EFR3A: variants seen among roughly 807,000 people sequenced by gnomAD.
EFR3A encodes the protein protein EFR3 homolog A.
EFR3A carries 76 observed loss-of-function variants against 104.4 expected under a neutral mutation model. That is an observed-to-expected ratio of 0.73 (90% CI 0.60 to 0.88). EFR3A has a LOEUF of 0.88. Among genes scored for constraint, EFR3A ranks in the 40% least tolerant of loss-of-function variants. The pLI, the probability that EFR3A is intolerant of heterozygous loss-of-function variation, is 0.00. For synonymous variants in EFR3A, 330 were observed against 330.0 expected (o/e 1.00, Z 0.00); for missense variants, 985 against 1,012.5 (o/e 0.97, Z 0.37).
At chr8:131,959,948 G>A (rs889902970) in intron 8 of EFR3A, among the ~76,000 whole-genome samples, 12 of 152,192 alleles carry the variant, frequency 7.9e-5, no homozygotes, top group African/African-American at 2.7e-4. Flanking sequence ...GATTCATTGA[G>A]GGTGTTGTCT....
chr8:131,981,211 T>C (rs1820596624), intron 14 of EFR3A, among the ~76,000 whole-genome samples: 1 of 152,024 alleles, frequency 6.6e-6, no homozygotes, highest in East Asian at 1.9e-4. Flanking sequence ...GTCATGAACA[T>C]TGAGACTGGA....
chr8:131,995,033 A>G (rs1205977512), intron 18 of EFR3A, among the ~76,000 whole-genome samples: 1 of 152,136 alleles, frequency 6.6e-6, no homozygotes, highest in Admixed American at 6.5e-5. Context: ...AAAAATTGGA[A>G]CTATGTTTTT....
At chr8:131,939,521 ATAGCT>A (rs1458343473) in intron 1 of EFR3A, among the ~76,000 whole-genome samples, 1 of 152,214 alleles carries the variant, frequency 6.6e-6, no homozygotes, top group African/African-American at 2.4e-5. Context: ...GTGAAACTTA[ATAGCT>A]TATTAAGAAT....
chr8:131,993,758 C>T (rs769580232), intron 18 of EFR3A, among the ~76,000 whole-genome samples: 2 of 151,604 alleles, frequency 1.3e-5, no homozygotes, highest in Non-Finnish European at 2.9e-5. Flanking sequence ...AAAAATTTAG[C>T]CAGTTGATTC....
rs761499534 is a variant in EFR3A at position 131,946,643 on chromosome 8, A to T, written c.366+10A>T. 1 of 1,569,616 alleles carries T rather than the reference A, an allele frequency of 6.4e-7. No homozygotes were observed. Among genetic ancestry groups the T allele is most frequent in the African/African-American group, 1.4e-5 (1 of 72,924 alleles). ...TCTTGGAACAAATTCTGTGAGTAAAACTATTCTGTTACTAAATGTATGCTT... is the reference window on the plus strand; with the variant it reads ...TCTTGGAACAAATTCTGTGAGTAAATCTATTCTGTTACTAAATGTATGCTT... On this transcript the variant is annotated intron_variant, in intron 4 of 22. Coordinates refer to ENST00000254624, the MANE Select transcript of EFR3A (RefSeq NM_015137.6).
At chr8:131,934,478 T>G (rs1422769023) in intron 1 of EFR3A, among the ~76,000 whole-genome samples, 1 of 152,172 alleles carries the variant, frequency 6.6e-6, no homozygotes, top group Non-Finnish European at 1.5e-5. Flanking sequence ...TTGGAGAGCC[T>G]TTGTCCTAAA....
intron 10 of EFR3A, among the ~76,000 whole-genome samples, chr8:131,972,075 GC>G (rs1820082640): frequency 6.6e-6 from 1 of 152,016 alleles, no homozygotes; most frequent in African/African-American, 2.4e-5. Flanking sequence ...GTAAGCAGGG[GC>G]CCCCTTTTCT....
chr8:131,921,493 A>G (rs756496767), intron 1 of EFR3A, among the ~76,000 whole-genome samples: 54 of 152,210 alleles, frequency 3.5e-4, no homozygotes, highest in Admixed American at 3.5e-3. Flanking sequence ...AAGGGACACA[A>G]TTTAATCCAT....
At chr8:131,912,880 G>C (rs980041385) in intron 1 of EFR3A, among the ~76,000 whole-genome samples, 7 of 151,998 alleles carry the variant, frequency 4.6e-5, no homozygotes, top group African/African-American at 1.7e-4. Context: ...CGCATCAGCT[G>C]TCTGATTGCT....
intron 1 of EFR3A, among the ~76,000 whole-genome samples, chr8:131,920,729 G>A (rs1023106734): frequency 4.0e-5 from 6 of 151,478 alleles, no homozygotes; most frequent in African/African-American, 7.3e-5. Context: ...AGGCAGTATA[G>A]TGTATAGTGT....
Position 131,979,417 on chromosome 8 carries a change from A to G in EFR3A, c.1571A>G (p.Lys524Arg). Reference sequence around the variant, plus strand: ...TGCAGACAAGACACAAGTTTCATGAAAAAGGTAAGACATCTTCTAAAAAAA... The same window carrying G: ...TGCAGACAAGACACAAGTTTCATGAGAAAGGTAAGACATCTTCTAAAAAAA... ...KICRQDTSFM[K>R]KNGQQLYRHI... The change falls in exon 14 of 23, where the codon AAA becomes AGA. Residue 524 changes from lysine to arginine, a missense_variant. Lys to Arg is a conservative substitution (Grantham distance 26, BLOSUM62 2). Coordinates refer to ENST00000254624, the MANE Select transcript of EFR3A (RefSeq NM_015137.6). The G allele has an allele frequency of 6.5e-7, 1 of 1,549,788 alleles. No individual in the cohort carries two copies.
chr8:131,937,276 A>G (rs1188850536), intron 1 of EFR3A, among the ~76,000 whole-genome samples: 1 of 152,156 alleles, frequency 6.6e-6, no homozygotes, highest in Non-Finnish European at 1.5e-5. Flanking sequence ...GGTGGCTTCT[A>G]CACTCCAGGC....
chr8:131,987,894 G>A (rs796560309), intron 18 of EFR3A, among the ~76,000 whole-genome samples, 192 bp downstream of exon 18: 7 of 152,076 alleles, frequency 4.6e-5, no homozygotes, highest in African/African-American at 1.7e-4. Context: ...AATCTCTAAC[G>A]ACATAGATAT....
At chr8:131,993,706 G>GA (rs201311385) in intron 18 of EFR3A, among the ~76,000 whole-genome samples, 1,337 of 119,408 alleles carry the variant, frequency 0.011, 14 homozygotes, top group African/African-American at 0.035. Flanking sequence ...ACCAGCTTGA[G>GA]AAAAAAAAAA....
At chr8:131,928,541 A>G (rs1345310023) in intron 1 of EFR3A, among the ~76,000 whole-genome samples, 2 of 152,160 alleles carry the variant, frequency 1.3e-5, no homozygotes, top group African/African-American at 4.8e-5. Flanking sequence ...CATAAAGGAA[A>G]TTTCTTATTA....
intron 1 of EFR3A, among the ~76,000 whole-genome samples, chr8:131,915,219 A>G (rs983160255): frequency 2.5e-4 from 38 of 152,202 alleles, no homozygotes; most frequent in African/African-American, 9.2e-4. Context: ...ATGCCCTCTG[A>G]CAAGAATTTA....
At chr8:131,958,051 T>A (rs964682580) in intron 7 of EFR3A, among the ~76,000 whole-genome samples, 1 of 151,788 alleles carries the variant, frequency 6.6e-6, no homozygotes, top group Non-Finnish European at 1.5e-5. Context: ...ATAGGACACA[T>A]TTGAGCCAGG....
At chr8:131,973,777 C>A (rs1820192878) in intron 10 of EFR3A, among the ~76,000 whole-genome samples, 1 of 151,926 alleles carries the variant, frequency 6.6e-6, no homozygotes, top group Non-Finnish European at 1.5e-5. Flanking sequence ...CTGCTGTGTT[C>A]TTTTCTTCTG....
Position 131,940,904 on chromosome 8 carries a change from C to T in EFR3A, c.87+329C>T, listed in dbSNP as rs150066935. ...AGTGCCAGATTATTTAAACTAAGTGCTCATGATACCACTGTGAACAGAGAG... is the reference window on the plus strand; with the variant it reads ...AGTGCCAGATTATTTAAACTAAGTGTTCATGATACCACTGTGAACAGAGAG... On this transcript the variant is annotated intron_variant, in intron 2 of 22. Coordinates refer to ENST00000254624, the MANE Select transcript of EFR3A (RefSeq NM_015137.6). 4.3e-4 allele frequency among the ~76,000 whole-genome samples: 66 copies of T among 152,030 alleles called. No homozygotes were observed. In the East Asian group the frequency reaches 0.012, roughly 27 times the overall value.
Sources: gnomAD v4.1 joint callset for allele counts (sites outside exome capture counted in the v4.1 genomes callset) on GRCh38, gnomAD v4.1.1 for gene constraint, MANE v1.5 for transcripts, NCBI Gene and HGNC (gene_info 2026-07-23, HGNC 2026-07-21) for gene names.